Variants in TMEFF2 observed in about 807,000 individuals in gnomAD.
The protein encoded by TMEFF2 is tomoregulin-2.
Under a neutral mutation model 53.8 loss-of-function variants are expected in TMEFF2, and 28 were observed. That is an observed-to-expected ratio of 0.52 (90% confidence interval 0.39 to 0.71). The LOEUF (loss-of-function observed/expected upper bound fraction) is 0.71. Among genes scored for constraint, TMEFF2 ranks in the 30% least tolerant of loss-of-function variants. The pLI, the probability that TMEFF2 is intolerant of heterozygous loss-of-function variation, is 0.00. For missense variants in TMEFF2, 353 were observed against 455.2 expected, an observed-to-expected ratio of 0.78 and a Z score of 2.04; for synonymous variants, 162 against 166.3, an observed-to-expected ratio of 0.97 and a Z score of 0.20.
At chr2:192,007,153 A>G (rs1200309321) in intron 5 of TMEFF2, among the ~76,000 whole-genome samples, 2 of 152,082 alleles carry the variant, frequency 1.3e-5, no homozygotes, top group African/African-American at 4.8e-5. Context: ...TTCTTGTTTA[A>G]TGTACACTAT....
At chr2:192,157,015 A>T (rs1690521685) in intron 4 of TMEFF2, among the ~76,000 whole-genome samples, 1 of 152,022 alleles carries the variant, frequency 6.6e-6, no homozygotes, top group African/African-American at 2.4e-5. Flanking sequence ...ACCAAGATGC[A>T]GTTTGTATAG....
intron 4 of TMEFF2, among the ~76,000 whole-genome samples, chr2:192,144,050 TA>T (rs1690196144): frequency 6.6e-6 from 1 of 152,146 alleles, no homozygotes; most frequent in African/African-American, 2.4e-5. Context: ...CTGTGGTGGA[TA>T]TCAAAACACT....
At chr2:191,959,606 A>G (rs1692211730) in intron 7 of TMEFF2, among the ~76,000 whole-genome samples, 1 of 100,732 alleles carries the variant, frequency 9.9e-6, no homozygotes, top group African/African-American at 3.9e-5. Flanking sequence ...ACTTAAATCA[A>G]TACAGTCCAG....
chr2:192,052,077 T>C (rs1443839727), intron 5 of TMEFF2, among the ~76,000 whole-genome samples: 1 of 152,194 alleles, frequency 6.6e-6, no homozygotes, highest in Non-Finnish European at 1.5e-5. Context: ...CAATATGATA[T>C]CGCTAATGGA....
chr2:191,956,127 G>A (rs901069914), intron 8 of TMEFF2, 128 bp downstream of exon 8: 15 of 938,396 alleles, frequency 1.6e-5, no homozygotes, highest in Non-Finnish European at 2.2e-5. Flanking sequence ...CACAGGAGGA[G>A]CAGAGAAAAG....
intron 4 of TMEFF2, among the ~76,000 whole-genome samples, chr2:192,168,735 A>G (rs1017002658): frequency 6.6e-6 from 1 of 152,096 alleles, no homozygotes; most frequent in Non-Finnish European, 1.5e-5. Context: ...ATTCATATCC[A>G]GCTTTTAATT....
rs2356950 is a variant in TMEFF2 at position 192,111,203 on chromosome 2, G to A, written c.440-53428C>T. Reference sequence around the variant, plus strand: ...CTGGGTGACAGGCAGAGGTTGGAACGGTTTGGAGGGCTTAGAAGAAGATAC... The same window carrying A: ...CTGGGTGACAGGCAGAGGTTGGAACAGTTTGGAGGGCTTAGAAGAAGATAC... On this transcript the variant is annotated intron_variant, in intron 4 of 9. Transcript: ENST00000272771. 6.6e-3 allele frequency among the ~76,000 whole-genome samples: 1,009 copies of A among 152,248 alleles called. 9 individuals are homozygous for A. Among genetic ancestry groups the A allele is most frequent in the Middle Eastern group, 0.031 (9 of 294 alleles).
chr2:191,999,026 C>A, intron 6 of TMEFF2, 34 bp downstream of exon 6: 1 of 1,566,764 alleles, frequency 6.4e-7, no homozygotes, highest in South Asian at 1.2e-5. Flanking sequence ...AGACTAAAAT[C>A]ATTCTTTGAA....
chr2:192,096,089 A>C lies in TMEFF2; in HGVS notation c.440-38314T>G, dbSNP rs556944891. On this transcript the variant is annotated intron_variant, in intron 4 of 9. Coordinates refer to ENST00000272771, the MANE Select transcript of TMEFF2 (RefSeq NM_016192.4). ...GCTCTACAGAACACTTACTGGCAGG[A>C]AAATGGCATTTGGATGGGTGTTCTA... 3.2e-4 allele frequency among the ~76,000 whole-genome samples: 48 copies of C among 152,312 alleles called. No individual in the cohort carries two copies. The East Asian group carries it at 7.7e-3, about 24-fold the overall frequency.
chr2:191,964,796 A>C (rs1692423439), intron 7 of TMEFF2, among the ~76,000 whole-genome samples: 1 of 152,164 alleles, frequency 6.6e-6, no homozygotes, highest in Non-Finnish European at 1.5e-5. Flanking sequence ...AATGTTACCA[A>C]CAACACTGTT....
At chr2:192,108,755 A>C (rs1302475130) in intron 4 of TMEFF2, among the ~76,000 whole-genome samples, 1 of 152,050 alleles carries the variant, frequency 6.6e-6, no homozygotes, top group African/African-American at 2.4e-5. Flanking sequence ...GCCAATATTC[A>C]CAGCAGTGTT....
intron 7 of TMEFF2, among the ~76,000 whole-genome samples, chr2:191,957,639 C>T (rs1481542724): frequency 6.6e-6 from 1 of 152,026 alleles, no homozygotes; most frequent in Non-Finnish European, 1.5e-5. Flanking sequence ...AAAACAAAGT[C>T]TGAAAAAAGT....
In TMEFF2 at chr2:192,177,801, C is replaced by A. The variant is rs371561693; in HGVS notation, c.439+1867G>T. ...TTAAAATTATTTCCTGAAAAAATGT[C>A]TTATTCAGATCACAAGACAACATAA... On this transcript the variant is annotated intron_variant, in intron 4 of 9. Transcript: ENST00000272771. 3.3e-5 allele frequency: 5 copies of A among 150,848 alleles called. No individual in the cohort carries two copies. The East Asian group carries it at 9.7e-4, about 29-fold the overall frequency. 9.3% of individuals were successfully genotyped at this position (150,848 alleles called of 1,614,324 possible).
chr2:192,152,494 T>C (rs377243204), intron 4 of TMEFF2, among the ~76,000 whole-genome samples: 13 of 151,948 alleles, frequency 8.6e-5, no homozygotes, highest in East Asian at 5.8e-4. Flanking sequence ...GATGCTGCAG[T>C]AAAAGTAATG....
chr2:192,029,899 A>G (rs1687085053), intron 5 of TMEFF2, among the ~76,000 whole-genome samples: 1 of 152,254 alleles, frequency 6.6e-6, no homozygotes, highest in Non-Finnish European at 1.5e-5. Context: ...CCTTGGCTTA[A>G]TACAACAAAG....
At chr2:192,112,426 C>A (rs542474233) in intron 4 of TMEFF2, among the ~76,000 whole-genome samples, 1 of 152,252 alleles carries the variant, frequency 6.6e-6, no homozygotes, top group East Asian at 1.9e-4. Context: ...TTGTTTTGAC[C>A]AATTTCTCCC....
At chr2:192,155,431 C>A (rs1468060516) in intron 4 of TMEFF2, among the ~76,000 whole-genome samples, 1 of 151,952 alleles carries the variant, frequency 6.6e-6, no homozygotes, top group Non-Finnish European at 1.5e-5. Context: ...CTTACAGTAA[C>A]TGTAATTCTA....
chr2:192,194,337 G>A lies in TMEFF2; in HGVS notation c.172+16C>T. ...CTGCGGAGTTAAAGGGTCGGGGACGGGGGTTCTGGACTTACCAGAGCAATT... is the reference window on the plus strand; with the variant it reads ...CTGCGGAGTTAAAGGGTCGGGGACGAGGGTTCTGGACTTACCAGAGCAATT... On this transcript the variant is annotated intron_variant, in intron 1 of 9. Coordinates refer to ENST00000272771, the MANE Select transcript of TMEFF2 (RefSeq NM_016192.4). This position sits in a 1 kb window ranked among gnomAD's most constrained non-coding sequence, Gnocchi z 4.2. 6.2e-7 allele frequency: 1 copy of A among 1,613,064 alleles called. No individual in the cohort carries two copies.
At chr2:192,134,591 C>T (rs1222131688) in intron 4 of TMEFF2, among the ~76,000 whole-genome samples, 1 of 152,008 alleles carries the variant, frequency 6.6e-6, no homozygotes, top group African/African-American at 2.4e-5. Context: ...TTATTCAGGC[C>T]CCCTCCCTTC....
Sources: gnomAD v4.1 joint callset for allele counts (sites outside exome capture counted in the v4.1 genomes callset) on GRCh38, gnomAD v4.1.1 for gene constraint, Gnocchi (gnomAD v3.1) non-coding constraint, MANE v1.5 for transcripts, NCBI Gene and HGNC (gene_info 2026-07-23, HGNC 2026-07-21) for gene names.